Variants in WDR70 observed in about 807,000 individuals in gnomAD.
The protein encoded by WDR70 is WD repeat-containing protein 70.
In WDR70, 53 loss-of-function variants were observed where a neutral mutation model predicts 88.6. That is an observed-to-expected ratio of 0.60 (90% confidence interval 0.48 to 0.75). WDR70 has a LOEUF of 0.75. WDR70 is among the 30% of genes least tolerant of loss of function. The probability of loss-of-function intolerance (pLI) is 0.00; values close to 1 mark genes in which losing one functional copy is unlikely to be tolerated. For synonymous variants in WDR70, 280 were observed against 270.0 expected, an observed-to-expected ratio of 1.04 and a Z score of -0.36; for missense variants, 610 against 823.2, an observed-to-expected ratio of 0.74 and a Z score of 3.17.
chr5:37,747,524 A>G (rs7737640), intron 17 of WDR70, among the ~76,000 whole-genome samples: 19,261 of 152,212 alleles, frequency 0.13, 2,570 homozygotes, highest in African/African-American at 0.34. Context: ...GCTATTTATG[A>G]CAAACCCACA....
chr5:37,622,011 T>G (rs895150923), intron 10 of WDR70, among the ~76,000 whole-genome samples: 2 of 152,214 alleles, frequency 1.3e-5, no homozygotes, highest in African/African-American at 4.8e-5. Context: ...CTTGTTTTTG[T>G]CAGGTTTGTC....
rs200734518 is a variant in WDR70 at position 37,652,366 on chromosome 5, A to G, written c.1093-45289A>G. ...GTCTTGTAGTGTAGTTTGAAGTCAGATAGTGTGATGCCTCCAGCTTTGTTC... is the reference window on the plus strand; with the variant it reads ...GTCTTGTAGTGTAGTTTGAAGTCAGGTAGTGTGATGCCTCCAGCTTTGTTC... On this transcript the variant is annotated intron_variant, in intron 10 of 17. Coordinates refer to ENST00000265107, the MANE Select transcript of WDR70 (RefSeq NM_018034.4). 5.3e-5 allele frequency among the ~76,000 whole-genome samples: 8 copies of G among 152,202 alleles called. No individual in the cohort carries two copies. The East Asian group carries it at 5.8e-4, about 11-fold the overall frequency.
At chr5:37,742,684 G>A (rs1046462385) in intron 17 of WDR70, among the ~76,000 whole-genome samples, 2 of 152,100 alleles carry the variant, frequency 1.3e-5, no homozygotes, top group Admixed American at 6.5e-5. Context: ...TCTTCTATGA[G>A]TTATATAGTT....
chr5:37,598,966 G>A (rs1743782209), intron 9 of WDR70, among the ~76,000 whole-genome samples: 1 of 152,172 alleles, frequency 6.6e-6, no homozygotes, highest in South Asian at 2.1e-4. Flanking sequence ...CCAGTTACAA[G>A]TTCTGAACTT....
At chr5:37,559,031 T>A (rs1328971590) in intron 9 of WDR70, among the ~76,000 whole-genome samples, 1 of 152,008 alleles carries the variant, frequency 6.6e-6, no homozygotes, top group East Asian at 1.9e-4. Context: ...CCTCTCAGGT[T>A]CAAGCGATTC....
chr5:37,522,399 A>C (rs1043667432), intron 9 of WDR70, among the ~76,000 whole-genome samples: 2 of 136,278 alleles, frequency 1.5e-5, no homozygotes, highest in African/African-American at 5.5e-5. Flanking sequence ...TGAACCCAGG[A>C]GGTGGAGGTT....
At chr5:37,421,175 A>C (rs1165673370) in intron 5 of WDR70, among the ~76,000 whole-genome samples, 1 of 152,166 alleles carries the variant, frequency 6.6e-6, no homozygotes, top group Non-Finnish European at 1.5e-5. Context: ...TTTCAAATTT[A>C]GGGAAGCTAC....
chr5:37,511,296 G>T (rs186632132), intron 8 of WDR70, among the ~76,000 whole-genome samples: 1 of 152,088 alleles, frequency 6.6e-6, no homozygotes, highest in Non-Finnish European at 1.5e-5. Context: ...TACACTCAAT[G>T]GTCCTTGTTT....
intron 9 of WDR70, among the ~76,000 whole-genome samples, chr5:37,524,609 AGGAT>A (rs1167539751): frequency 6.6e-6 from 1 of 152,246 alleles, no homozygotes; most frequent in African/African-American, 2.4e-5. Context: ...TCATAATGAC[AGGAT>A]CAAATTCACA....
intron 9 of WDR70, among the ~76,000 whole-genome samples, chr5:37,567,155 T>C (rs979348104): frequency 3.9e-5 from 6 of 152,166 alleles, no homozygotes; most frequent in African/African-American, 1.2e-4. Flanking sequence ...TGGATATTGA[T>C]AAAAGATACC....
At chr5:37,682,204 G>GT (rs1581492673) in intron 10 of WDR70, among the ~76,000 whole-genome samples, 2 of 152,156 alleles carry the variant, frequency 1.3e-5, no homozygotes, top group East Asian at 1.9e-4. Context: ...AGATTTTCTA[G>GT]TTTTTTTGCA....
intron 7 of WDR70, among the ~76,000 whole-genome samples, chr5:37,455,964 A>G (rs1738824999): frequency 6.6e-6 from 1 of 152,054 alleles, no homozygotes; most frequent in Non-Finnish European, 1.5e-5. Flanking sequence ...ACTCTTTTGT[A>G]TGACTATATT....
chr5:37,462,422 C>A (rs1739034448), intron 7 of WDR70, among the ~76,000 whole-genome samples: 1 of 152,148 alleles, frequency 6.6e-6, no homozygotes, highest in Non-Finnish European at 1.5e-5. Context: ...CCTGCCTTAG[C>A]CTCCTGAGTA....
intron 9 of WDR70, among the ~76,000 whole-genome samples, chr5:37,555,844 G>A (rs1006944386): frequency 1.3e-5 from 2 of 152,106 alleles, no homozygotes; most frequent in Non-Finnish European, 2.9e-5. Flanking sequence ...TCAGCGTCCC[G>A]AGTAGCTGGG....
chr5:37,732,818 T>C (rs980048526), intron 17 of WDR70, among the ~76,000 whole-genome samples: 8 of 152,094 alleles, frequency 5.3e-5, no homozygotes, highest in African/African-American at 1.7e-4. Context: ...ATGGCGTTTT[T>C]CTCACGTAAA....
chr5:37,748,240 A>T (rs1250667548), intron 17 of WDR70, among the ~76,000 whole-genome samples: 5 of 152,238 alleles, frequency 3.3e-5, no homozygotes, highest in African/African-American at 4.8e-5. Context: ...CTTTAAACAT[A>T]CTACAAGGTT....
chr5:37,481,153 T>C (rs1581321544), intron 8 of WDR70, among the ~76,000 whole-genome samples: 1 of 152,342 alleles, frequency 6.6e-6, no homozygotes, highest in East Asian at 1.9e-4. Context: ...CATTGAGTGT[T>C]GGCAGCTTTT....
chr5:37,390,781 A>G (rs1470827940), intron 3 of WDR70, among the ~76,000 whole-genome samples: 1 of 150,806 alleles, frequency 6.6e-6, no homozygotes, highest in Non-Finnish European at 1.5e-5. Flanking sequence ...CAATGGCGCA[A>G]TCTTGGCTCA....
chr5:37,703,180 C>T lies in WDR70; in HGVS notation c.1416+93C>T, dbSNP rs1010079150. On this transcript the variant is annotated intron_variant, in intron 13 of 17. Transcript: ENST00000265107. ...TTGTTTGTTAAGTAGAATATAAGCC[C>T]TGGCCCTTAGAGCACGGTGATAGCT... The T allele has an allele frequency of 3.3e-5, 49 of 1,492,386 alleles. No homozygotes were observed. The African/African-American group carries it at 6.3e-4, about 19-fold the overall frequency. The allele number at this position is 1,492,386 out of a possible 1,614,324, so 92.4% of individuals were successfully genotyped here.
Sources: allele counts gnomAD v4.1 joint callset (sites outside exome capture counted in the v4.1 genomes callset), GRCh38; gene constraint gnomAD v4.1.1; transcripts MANE v1.5; gene names NCBI Gene and HGNC (gene_info 2026-07-23, HGNC 2026-07-21).